ANKS3: variants seen among roughly 807,000 people sequenced by gnomAD.
ANKS3 encodes the protein ankyrin repeat and sterile alpha motif domain containing 3.
A neutral mutation model predicts 80.7 loss-of-function variants in ANKS3; 62 were observed. That is an observed-to-expected ratio of 0.77 (90% CI 0.63 to 0.95). The LOEUF is 0.95. Ranked by LOEUF, ANKS3 falls within the 40% of genes least tolerant of loss-of-function variation. The probability of loss-of-function intolerance (pLI) is 0.00; values close to 1 mark genes in which losing one functional copy is unlikely to be tolerated. For synonymous variants in ANKS3, 489 were observed against 355.3 expected, an observed-to-expected ratio of 1.38 and a Z score of -4.23; for missense variants, 1,150 against 883.6, an observed-to-expected ratio of 1.30 and a Z score of -3.82.
chr16:4,698,507 G>A lies in ANKS3; in HGVS notation c.1644C>T (p.Arg548=), dbSNP rs1376509721. The change falls in exon 14 of 18, where the codon CGC becomes CGT. Residue 548 remains arginine, a synonymous_variant. Transcript: ENST00000304283. ...VVESCLLEQD[R]AREDLQARLR... ...GCCGGGCCTGGAGGTCCTCGCGGGC[G>A]CGGTCCTGCTCCAGCAGGCAGCTCT... 21 of 1,561,482 alleles carry A rather than the reference G, an allele frequency of 1.3e-5. No homozygotes were observed. The highest frequency in any genetic ancestry group is 1.5e-5 in the Non-Finnish European group (18 of 1,161,642).
intron 7 of ANKS3, among the ~76,000 whole-genome samples, chr16:4,710,748 A>G (rs966468212): frequency 3.1e-4 from 47 of 152,220 alleles, no homozygotes; most frequent in African/African-American, 1.1e-3. Flanking sequence ...AAAAAAGATA[A>G]TAACAGGAGA....
intron 13 of ANKS3, 23 bp from the exon 14 acceptor site, chr16:4,698,622 G>A (rs1482416772): frequency 5.9e-6 from 9 of 1,537,676 alleles, no homozygotes; most frequent in Non-Finnish European, 7.8e-6. Context: ...GGGGGGCGCG[G>A]GGAGGCTGGG....
chr16:4,731,304 C>G (rs1196774454), intron 2 of ANKS3, among the ~76,000 whole-genome samples: 2 of 152,074 alleles, frequency 1.3e-5, no homozygotes, highest in Non-Finnish European at 2.9e-5. Flanking sequence ...TTTTTTGAGA[C>G]AGTCTCGCTC....
intron 14 of ANKS3, 101 bp downstream of exon 14, chr16:4,698,326 A>G: frequency 7.1e-7 from 1 of 1,405,138 alleles, no homozygotes; most frequent in African/African-American, 1.5e-5. Flanking sequence ...CCTGAAATCC[A>G]CCCCTCAGTT....
intron 6 of ANKS3, among the ~76,000 whole-genome samples, chr16:4,720,566 C>T (rs1202491156): frequency 6.6e-6 from 1 of 151,340 alleles, no homozygotes; most frequent in Non-Finnish European, 1.5e-5. Flanking sequence ...ACCCACCTCA[C>T]ACAACAAAGA....
chr16:4,728,512 G>A (rs1409240688), intron 3 of ANKS3, among the ~76,000 whole-genome samples: 1 of 152,082 alleles, frequency 6.6e-6, no homozygotes, highest in Non-Finnish European at 1.5e-5. Flanking sequence ...AGCAGGGCTC[G>A]AATGCACCCA....
chr16:4,723,235 T>C (rs1480222527), intron 6 of ANKS3, among the ~76,000 whole-genome samples: 1 of 152,198 alleles, frequency 6.6e-6, no homozygotes, highest in Non-Finnish European at 1.5e-5. Context: ...ATATTCACAG[T>C]TGTTCAACCA....
intron 11 of ANKS3, 167 bp from the exon 12 acceptor site, chr16:4,699,343 G>C: frequency 1.1e-6 from 1 of 917,660 alleles, no homozygotes; most frequent in Non-Finnish European, 1.6e-6. Flanking sequence ...GGCAGGGCAG[G>C]ATGTTGCAGG....
chr16:4,729,953 G>C (rs1175014994), intron 3 of ANKS3, 27 bp downstream of exon 3: 1 of 1,454,296 alleles, frequency 6.9e-7, no homozygotes, highest in Admixed American at 2.2e-5. Flanking sequence ...CTCAAAATGT[G>C]AGAGGAAGTT....
Position 4,700,948 on chromosome 16 carries a change from C to G in ANKS3, c.1284+22G>C, listed in dbSNP as rs199714601. 5.0e-5 allele frequency: 81 copies of G among 1,613,670 alleles called. No homozygotes were observed. In the Middle Eastern group the frequency reaches 9.9e-4, roughly 20 times the overall value. On this transcript the variant is annotated intron_variant, in intron 11 of 17. Transcript: ENST00000304283. Reference sequence around the variant, plus strand: ...AAAGTGCCGTCTCTGAGTGTAACCTCCAGTTTCACAAGCGGTCTTACCTGG... The same window carrying G: ...AAAGTGCCGTCTCTGAGTGTAACCTGCAGTTTCACAAGCGGTCTTACCTGG...
At position 4,727,178 on chromosome 16, in the gene ANKS3, C is replaced by G. The variant is rs1360163544; in HGVS notation, c.171-1G>C. ...CTTCTTATTCAAATCTAACTCTCTC[C>G]TAAACAAACGCAAGATATGCTAGAC... On this transcript the variant is annotated splice_acceptor_variant, in intron 3 of 17. Transcript: ENST00000304283. LOFTEE classifies it high-confidence loss of function. 1.2e-6 allele frequency: 2 copies of G among 1,613,936 alleles called. No homozygotes were observed. The highest frequency in any genetic ancestry group is 1.7e-6 in the Non-Finnish European group (2 of 1,180,018).
chr16:4,700,048 T>A (rs1159591475), intron 11 of ANKS3: 1 of 152,434 alleles, frequency 6.6e-6, no homozygotes, highest in African/African-American at 2.4e-5. Flanking sequence ...AGCCAGGGGC[T>A]GCAGGGAGAA....
At chr16:4,727,247 G>GAGGCT in intron 3 of ANKS3, 70 bp from the exon 4 acceptor site, 1 of 1,526,548 alleles carries the variant, frequency 6.6e-7, no homozygotes, top group Non-Finnish European at 9.0e-7. Flanking sequence ...AGCTGGTGGC[G>GAGGCT]AGGCTAGGCC....
intron 6 of ANKS3, among the ~76,000 whole-genome samples, chr16:4,721,639 TTTATTTA>T (rs1376176872): frequency 6.7e-6 from 1 of 150,048 alleles, no homozygotes; most frequent in East Asian, 2.0e-4. Flanking sequence ...TATTTATTTA[TTTATTTA>T]TTTATTTATT....
At chr16:4,697,908 G>A (rs2079662013) in intron 15 of ANKS3, 69 bp downstream of exon 15, 2 of 1,382,158 alleles carry the variant, frequency 1.4e-6, no homozygotes, top group Admixed American at 2.8e-5. Context: ...AGCCCACTGG[G>A]TCAAACCTGG....
intron 8 of ANKS3, among the ~76,000 whole-genome samples, chr16:4,704,082 G>C (rs531350993): frequency 2.6e-5 from 4 of 152,204 alleles, no homozygotes; most frequent in African/African-American, 9.7e-5. Flanking sequence ...GACGGGACAC[G>C]GGCGGGCCCT....
At chr16:4,716,592 TA>T (rs1473817010) in intron 6 of ANKS3, among the ~76,000 whole-genome samples, 3 of 151,952 alleles carry the variant, frequency 2.0e-5, no homozygotes, top group African/African-American at 7.3e-5. Context: ...TGACTCTGAT[TA>T]AAAATTACCT....
At chr16:4,698,193 GC>G in intron 14 of ANKS3, 131 bp from the exon 15 acceptor site, 1 of 1,175,034 alleles carries the variant, frequency 8.5e-7, no homozygotes, top group Non-Finnish European at 1.2e-6. Context: ...CTGGGCCAGT[GC>G]CCCATGAGGC....
At chr16:4,706,375 C>T (rs771153424) in intron 7 of ANKS3, among the ~76,000 whole-genome samples, 1 of 151,754 alleles carries the variant, frequency 6.6e-6, no homozygotes, top group Non-Finnish European at 1.5e-5. Flanking sequence ...GGACTACAGG[C>T]ACCCGGCCAC....
Sources: allele counts gnomAD v4.1 joint callset (sites outside exome capture counted in the v4.1 genomes callset), GRCh38; gene constraint gnomAD v4.1.1; transcripts MANE v1.5; gene names NCBI Gene and HGNC (gene_info 2026-07-23, HGNC 2026-07-21).